The following STK24 variants were observed in gnomAD, a reference collection of about 807,000 sequenced individuals.
STK24 encodes serine/threonine-protein kinase 24.
In STK24, 21 loss-of-function variants were observed where a neutral mutation model predicts 55.6. That is an observed-to-expected ratio of 0.38 (90% CI 0.27 to 0.54). The LOEUF is 0.54. Ranked by LOEUF, STK24 falls within the 20% of genes least tolerant of loss-of-function variation. STK24 has a pLI of 0.79. For synonymous variants in STK24, 200 were observed against 215.2 expected (o/e 0.93, Z 0.62); for missense variants, 383 against 538.4 (o/e 0.71, Z 2.86).
At chr13:98,501,293 T>G (rs1378597949) in intron 2 of STK24, among the ~76,000 whole-genome samples, 1 of 152,114 alleles carries the variant, frequency 6.6e-6, no homozygotes, top group Non-Finnish European at 1.5e-5. Flanking sequence ...CTCACAGAGC[T>G]GTGGTGTGCT....
rs115563670 is a variant in STK24 at position 98,460,554 on chromosome 13, C to T, written c.1054-114G>A. ...GCGCAGGAGTTGCCTCTACACTTCA[C>T]GCTGAGGAAACACCCTCTGCGCACC... is the stretch of plus-strand genomic sequence containing the variant. On this transcript the variant is annotated intron_variant, in intron 8 of 10. Transcript: ENST00000539966. 1.6e-3 allele frequency: 1,275 copies of T among 803,122 alleles called. 12 individuals are homozygous for T. In the African/African-American group the frequency reaches 0.019, roughly 12 times the overall value. 49.7% of individuals were successfully genotyped at this position (803,122 alleles called of 1,614,324 possible).
intron 1 of STK24, among the ~76,000 whole-genome samples, chr13:98,536,146 C>A (rs903131677): frequency 1.3e-5 from 2 of 151,642 alleles, no homozygotes; most frequent in African/African-American, 4.9e-5. Flanking sequence ...TCCTGCCCAC[C>A]GGGGGGAAAA....
At chr13:98,549,613 G>C (rs1897112842) in intron 1 of STK24, among the ~76,000 whole-genome samples, 1 of 152,098 alleles carries the variant, frequency 6.6e-6, no homozygotes, top group South Asian at 2.1e-4. Context: ...CTCGCCATGT[G>C]ACTGCCTGTT....
At chr13:98,560,872 G>A (rs1188860473) in intron 1 of STK24, among the ~76,000 whole-genome samples, 1 of 151,120 alleles carries the variant, frequency 6.6e-6, no homozygotes, top group African/African-American at 2.4e-5. Context: ...CTCCAGCCTG[G>A]GAGACAGGGC....
chr13:98,448,841 G>GAAGT lies in STK24; in HGVS notation c.*4328_*4331dup. The GAAGT allele has an allele frequency of 6.6e-6, 1 of 152,384 alleles. No individual in the cohort carries two copies. Among genetic ancestry groups the GAAGT allele is most frequent in the Non-Finnish European group, 1.5e-5 (1 of 68,330 alleles). 9.4% of individuals were successfully genotyped at this position (152,384 alleles called of 1,614,324 possible). ...AGTCTTTCTACTTTTGTAATAATAG[G>GAAGT]AAGTTAGTAGGACTCACTTCTCTGA... On this transcript the variant is annotated 3_prime_UTR_variant, in exon 11 of 11. Transcript: ENST00000539966.
chr13:98,481,904 C>T (rs1647298454), intron 3 of STK24, among the ~76,000 whole-genome samples: 1 of 151,944 alleles, frequency 6.6e-6, no homozygotes, highest in South Asian at 2.1e-4. Context: ...ACAACAACAA[C>T]AACAACCACA....
At chr13:98,460,846 CT>C (rs1893673447) in intron 8 of STK24, among the ~76,000 whole-genome samples, 1 of 151,282 alleles carries the variant, frequency 6.6e-6, no homozygotes, top group African/African-American at 2.4e-5. Flanking sequence ...TCGAGACCAG[CT>C]TGGGCAACAT....
intron 3 of STK24, 87 bp from the exon 4 acceptor site, chr13:98,475,445 T>C (rs1237232951): frequency 3.4e-6 from 3 of 882,434 alleles, no homozygotes; most frequent in Non-Finnish European, 5.2e-6. Flanking sequence ...TCCATGTTAA[T>C]GGACAAGGGT....
chr13:98,507,381 G>C (rs1288997984), intron 2 of STK24, among the ~76,000 whole-genome samples: 1 of 152,150 alleles, frequency 6.6e-6, no homozygotes, highest in Non-Finnish European at 1.5e-5. Flanking sequence ...ACAGGCCTGC[G>C]GGCTCCTGGC....
chr13:98,573,034 T>C (rs1897782930), intron 1 of STK24, among the ~76,000 whole-genome samples: 2 of 152,180 alleles, frequency 1.3e-5, no homozygotes, highest in Admixed American at 1.3e-4. Flanking sequence ...TCAAAGGAAA[T>C]GCTCATTGGG....
At chr13:98,522,457 G>C (rs1178906764) in intron 1 of STK24, among the ~76,000 whole-genome samples, 3 of 152,232 alleles carry the variant, frequency 2.0e-5, no homozygotes, top group Non-Finnish European at 1.5e-5. Flanking sequence ...AATGGATTCT[G>C]ATCAATTGCC....
chr13:98,520,627 C>T (rs1039171881), intron 1 of STK24, among the ~76,000 whole-genome samples: 1 of 152,230 alleles, frequency 6.6e-6, no homozygotes, highest in African/African-American at 2.4e-5. Flanking sequence ...ACACACACAA[C>T]ACTGCAGCAA....
chr13:98,514,909 T>G (rs772732288), intron 2 of STK24, among the ~76,000 whole-genome samples: 56 of 152,126 alleles, frequency 3.7e-4, no homozygotes, highest in Non-Finnish European at 6.3e-4. Context: ...TGCCAGCACT[T>G]TACATACATG....
chr13:98,457,801 GCT>G (rs1316970050), intron 9 of STK24, among the ~76,000 whole-genome samples: 2 of 152,140 alleles, frequency 1.3e-5, no homozygotes, highest in Admixed American at 1.3e-4. Flanking sequence ...TGATTCAAAT[GCT>G]CTGAGAGCAG....
intron 1 of STK24, among the ~76,000 whole-genome samples, chr13:98,561,420 C>T (rs1897415264): frequency 6.6e-6 from 1 of 151,596 alleles, no homozygotes; most frequent in Non-Finnish European, 1.5e-5. Flanking sequence ...CCCTCTCTAC[C>T]AAAAATACAA....
At chr13:98,546,798 C>G (rs975139186) in intron 1 of STK24, among the ~76,000 whole-genome samples, 1 of 152,208 alleles carries the variant, frequency 6.6e-6, no homozygotes, top group Non-Finnish European at 1.5e-5. Context: ...AAGGCCAGAA[C>G]ACATGAACTC....
chr13:98,481,460 G>T (rs1408795125), intron 3 of STK24, among the ~76,000 whole-genome samples: 1 of 152,214 alleles, frequency 6.6e-6, no homozygotes, highest in Admixed American at 6.5e-5. Flanking sequence ...AAGCAGGGAA[G>T]TGTGTGTTCC....
At chr13:98,532,013 A>T (rs1896592582) in intron 1 of STK24, among the ~76,000 whole-genome samples, 1 of 152,150 alleles carries the variant, frequency 6.6e-6, no homozygotes, top group Admixed American at 6.5e-5. Flanking sequence ...TCGATGTCCC[A>T]GCTTCAGCCT....
intron 1 of STK24, among the ~76,000 whole-genome samples, chr13:98,525,623 A>G (rs1244896282): frequency 1.3e-5 from 2 of 152,230 alleles, no homozygotes; most frequent in Non-Finnish European, 2.9e-5. Context: ...CGGTATAGGC[A>G]GGAGGATCGG....
Sources: gnomAD v4.1 joint callset for allele counts (sites outside exome capture counted in the v4.1 genomes callset) on GRCh38, gnomAD v4.1.1 for gene constraint, MANE v1.5 for transcripts, NCBI Gene and HGNC (gene_info 2026-07-23, HGNC 2026-07-21) for gene names.